Variants in APBB2 observed in about 807,000 individuals in gnomAD.
The protein encoded by APBB2 is amyloid beta precursor protein binding family B member 2.
A neutral mutation model predicts 82.5 loss-of-function variants in APBB2; 38 were observed. The observed-to-expected ratio is 0.46, with a 90% CI of 0.36 to 0.60. The LOEUF (loss-of-function observed/expected upper bound fraction) is 0.60. Among genes scored for constraint, APBB2 ranks in the 20% least tolerant of loss-of-function variants. The pLI is 0.00. For synonymous variants in APBB2, 341 were observed against 368.2 expected, an observed-to-expected ratio of 0.93 and a Z score of 0.85; for missense variants, 772 against 972.3, an observed-to-expected ratio of 0.79 and a Z score of 2.74.
At chr4:41,077,395 A>T (rs929777922) in intron 3 of APBB2, among the ~76,000 whole-genome samples, 1 of 152,100 alleles carries the variant, frequency 6.6e-6, no homozygotes, top group African/African-American at 2.4e-5. Context: ...AAAAAAGAGA[A>T]CAGTCTTCAC....
Position 40,982,287 on chromosome 4 carries a change from AAGGAAGGAAG to A in APBB2, c.835+31286_835+31295del, listed in dbSNP as rs1560446499. 5.5e-3 allele frequency among the ~76,000 whole-genome samples: 211 copies of A among 38,158 alleles called. 17 individuals carry two copies. Among genetic ancestry groups the A allele is most frequent in the African/African-American group, 0.025 (168 of 6,684 alleles). The allele number at this position is 38,158 out of a possible 152,430, so 25.0% of individuals were successfully genotyped here. On this transcript the variant is annotated intron_variant, in intron 6 of 17. Coordinates refer to ENST00000508593, the MANE Select transcript of APBB2 (RefSeq NM_004307.2). ...GAAAGAAAGAAAGAAAGAAAGAAGG[AAGGAAGGAAG>A]GAAGGAAGGAAAGAAAGAAAGAAAG...
At position 40,988,695 on chromosome 4, in the gene APBB2, C is replaced by T. The variant is rs527721416; in HGVS notation, c.835+24888G>A. On this transcript the variant is annotated intron_variant, in intron 6 of 17. Transcript: ENST00000508593. The stretch of plus-strand genomic sequence containing the variant: ...AAAAAAAAAGCCAGGGGCTACTATG[C>T]GGTATAAATATAATTAATATTACTG... Among the ~76,000 whole-genome samples the T allele has an allele frequency of 2.4e-3, 352 of 143,834 alleles. 2 individuals are homozygous for T. Among genetic ancestry groups the T allele is most frequent in the South Asian group, 0.01 (48 of 4,580 alleles). 94.4% of individuals were successfully genotyped at this position (143,834 alleles called of 152,430 possible).
chr4:40,998,445 ATC>A (rs1198928051), intron 6 of APBB2, among the ~76,000 whole-genome samples: 1 of 152,226 alleles, frequency 6.6e-6, no homozygotes, highest in African/African-American at 2.4e-5. Context: ...ATTAAAACTA[ATC>A]TTTAAGAAAT....
At chr4:41,213,258 A>G (rs114662270) in intron 1 of APBB2, among the ~76,000 whole-genome samples, 4,450 of 152,272 alleles carry the variant, frequency 0.029, 112 homozygotes, top group Non-Finnish European at 0.048. Flanking sequence ...GCATCATTTT[A>G]TGATAATCCT....
At chr4:41,194,527 A>G in intron 1 of APBB2, among the ~76,000 whole-genome samples, 1 of 152,174 alleles carries the variant, frequency 6.6e-6, no homozygotes, top group Non-Finnish European at 1.5e-5. Flanking sequence ...TACCAAAAAT[A>G]CAAAAATTAG....
intron 1 of APBB2, among the ~76,000 whole-genome samples, chr4:41,190,415 A>G (rs1433410188): frequency 1.3e-5 from 2 of 151,772 alleles, no homozygotes; most frequent in South Asian, 2.1e-4. Context: ...ACACACGGCT[A>G]ATTTTTATAT....
intron 10 of APBB2, among the ~76,000 whole-genome samples, chr4:40,901,909 A>ATATGTGTGTGTGTG (rs766567645): frequency 0.016 from 2,333 of 145,458 alleles, 50 homozygotes; most frequent in African/African-American, 0.057. Context: ...ATCCAAAATT[A>ATATGTGTGTGTGTG]TGTGTGTGTG....
chr4:40,944,948 G>C lies in APBB2; in HGVS notation c.961C>G (p.Pro321Ala), dbSNP rs1156846654. Residue 321 changes from proline to alanine, a missense_variant, in exon 7 of 18, where the codon CCC (proline) becomes GCC (alanine). Pro to Ala is a conservative substitution (Grantham distance 27). Transcript: ENST00000508593. ...IPTGTTQWER[P>A]VSIPADLQGS... ...TGGAGATCTGCTGGGATGGAGACGG[G>C]CCGTTCCCACTGAGTCGTTCCTGTT... 6.2e-7 allele frequency: 1 copy of C among 1,613,978 alleles called. No homozygotes were observed. Among genetic ancestry groups the C allele is most frequent in the South Asian group, 1.1e-5 (1 of 91,070 alleles).
chr4:40,831,593 C>T (rs531042000), intron 12 of APBB2, among the ~76,000 whole-genome samples: 39 of 152,118 alleles, frequency 2.6e-4, no homozygotes, highest in African/African-American at 8.2e-4. Flanking sequence ...CAGACAGTGG[C>T]GCAGCGGAAG....
At chr4:40,904,092 TGCCCGCA>T (rs1776052163) in intron 10 of APBB2, among the ~76,000 whole-genome samples, 1 of 151,238 alleles carries the variant, frequency 6.6e-6, no homozygotes, top group Non-Finnish European at 1.5e-5. Flanking sequence ...GTCTGATTTC[TGCCCGCA>T]GCCCAGGGTC....
At chr4:40,932,677 T>C (rs1376861360) in intron 10 of APBB2, among the ~76,000 whole-genome samples, 2 of 151,990 alleles carry the variant, frequency 1.3e-5, no homozygotes, top group Non-Finnish European at 2.9e-5. Context: ...GGTGCTGAAG[T>C]AGACAAGGTG....
At chr4:40,955,727 A>G (rs906367081) in intron 6 of APBB2, among the ~76,000 whole-genome samples, 1 of 152,076 alleles carries the variant, frequency 6.6e-6, no homozygotes. Flanking sequence ...AGCCTGAGCA[A>G]CATAAAAAGA....
At chr4:41,030,013 G>A (rs543888647) in intron 5 of APBB2, among the ~76,000 whole-genome samples, 46 of 152,230 alleles carry the variant, frequency 3.0e-4, no homozygotes, top group African/African-American at 8.9e-4. Flanking sequence ...AAAATTAGCC[G>A]GGCATGGTGG....
chr4:41,002,164 C>T (rs61240421), intron 6 of APBB2, among the ~76,000 whole-genome samples: 5,099 of 152,234 alleles, frequency 0.033, 148 homozygotes, highest in African/African-American at 0.083. Flanking sequence ...TAACTACCCC[C>T]ACATTTATGA....
At chr4:41,019,596 C>G (rs564475670) in intron 5 of APBB2, among the ~76,000 whole-genome samples, 3 of 152,148 alleles carry the variant, frequency 2.0e-5, no homozygotes, top group African/African-American at 7.2e-5. Context: ...GTGATGAAGT[C>G]GTCGGGCGTG....
At chr4:40,973,009 T>A (rs1358358483) in intron 6 of APBB2, among the ~76,000 whole-genome samples, 1 of 152,244 alleles carries the variant, frequency 6.6e-6, no homozygotes, top group East Asian at 1.9e-4. Flanking sequence ...GTATGTACAA[T>A]AAACACTGTC....
At chr4:40,933,345 G>A (rs1784667802) in intron 10 of APBB2, among the ~76,000 whole-genome samples, 1 of 152,128 alleles carries the variant, frequency 6.6e-6, no homozygotes, top group Non-Finnish European at 1.5e-5. Context: ...CACTGATCAG[G>A]GGCGGGTAAA....
At chr4:41,134,560 A>T (rs1192661054) in intron 2 of APBB2, among the ~76,000 whole-genome samples, 1 of 152,154 alleles carries the variant, frequency 6.6e-6, no homozygotes, top group African/African-American at 2.4e-5. Flanking sequence ...TTATACAAGT[A>T]TATCATGGAG....
chr4:40,866,381 G>A (rs867539182), intron 12 of APBB2, among the ~76,000 whole-genome samples: 1 of 152,018 alleles, frequency 6.6e-6, no homozygotes, highest in African/African-American at 2.4e-5. Flanking sequence ...GAATCCCAGA[G>A]GAGGGTTTAA....
Sources: gnomAD v4.1 joint callset for allele counts (sites outside exome capture counted in the v4.1 genomes callset) on GRCh38, gnomAD v4.1.1 for gene constraint, MANE v1.5 for transcripts, NCBI Gene and HGNC (gene_info 2026-07-23, HGNC 2026-07-21) for gene names.